Variants in BCOR observed in about 807,000 individuals in gnomAD.
BCOR encodes the protein BCL6 corepressor.
BCOR carries 10 observed loss-of-function variants against 86.7 expected under a neutral mutation model. The ratio of observed to expected loss-of-function variants is 0.12; its 90% CI spans 0.07 to 0.20. The LOEUF is 0.20. Among genes scored for constraint, BCOR ranks in the 10% least tolerant of loss-of-function variants. BCOR has a pLI of 1.00. For missense variants in BCOR, 1,259 were observed against 1,452.1 expected, an observed-to-expected ratio of 0.87 and a Z score of 2.16; for synonymous variants, 611 against 609.0, an observed-to-expected ratio of 1.00 and a Z score of -0.05.
At chrX:40,094,012 A>G (rs1936731253) in intron 1 of BCOR, among the ~76,000 whole-genome samples, 1 of 111,251 alleles carries the variant, frequency 9.0e-6, no homozygotes, top group Admixed American at 9.5e-5. Context: ...CCGTGCACAC[A>G]TAAGAGAAAG....
At chrX:40,099,213 G>C (rs905696103), upstream of BCOR, among the ~76,000 whole-genome samples, 10 of 112,513 alleles carry the variant, frequency 8.9e-5, no homozygotes, top group Non-Finnish European at 3.8e-5. Flanking sequence ...CTGGGCGCGG[G>C]GGGAGGGCGG....
In BCOR at chrX:40,113,406, CA is replaced by C. The variant is rs60280150; in HGVS notation, c.-40-35438del. Among the ~76,000 whole-genome samples the C allele has an allele frequency of 8.2e-3, 658 of 79,774 alleles. 6 individuals are homozygous for C. Among genetic ancestry groups the C allele is most frequent in the African/African-American group, 0.014 (312 of 22,054 alleles). The allele number at this position is 79,774 out of a possible 115,157, so 69.3% of individuals were successfully genotyped here. On this transcript the variant is annotated intron_variant, in intron 1 of 14. Transcript: ENST00000342274. ...TGGGTGACAGAGGGAGACCATGTCT[CA>C]AAAAAAAAAAAAAAGTGTTGAATGT...
chrX:40,074,949 C>T lies in BCOR; in HGVS notation c.397G>A (p.Glu133Lys). 2 of 1,211,466 alleles carry T rather than the reference C, an allele frequency of 1.7e-6. No homozygotes were observed. The highest frequency in any genetic ancestry group is 2.2e-6 in the Non-Finnish European group (2 of 895,447). The change falls in exon 4 of 15, where the codon GAG (glutamate) becomes AAG (lysine). Residue 133 changes from glutamate (E) to lysine (K), a missense_variant. This residue lies in a region of BCOR where 174 missense variants were observed against 189.3 expected (regional missense o/e 0.92). Coordinates refer to ENST00000378444, the MANE Select transcript of BCOR (RefSeq NM_001123385.2). ...GGTTTTCCAGAGACGGCAGAAGCCT[C>T]CACTGTCTCGGGTGTATTCGGTTTG... ...QFKPNTPETV[E>K]ASAVSGKPPN...
At chrX:40,085,908 G>A (rs916328832) in intron 1 of BCOR, among the ~76,000 whole-genome samples, 3 of 111,725 alleles carry the variant, frequency 2.7e-5, no homozygotes, top group Admixed American at 1.9e-4. Context: ...CCACCCTGGC[G>A]CCTCTCTGCA....
At chrX:40,083,148 G>T (rs1251358300) in intron 1 of BCOR, among the ~76,000 whole-genome samples, 1 of 110,741 alleles carries the variant, frequency 9.0e-6, no homozygotes, top group East Asian at 2.9e-4. Flanking sequence ...GAGATGAGAA[G>T]AAAAAGCTCT....
intron 1 of BCOR, among the ~76,000 whole-genome samples, chrX:40,093,198 T>G: frequency 8.9e-6 from 1 of 112,484 alleles, no homozygotes. Context: ...ATGTATCTCT[T>G]GTTCCATTTG....
rs1935088398 is a variant in BCOR, at chrX:40,064,420, C to T, written c.3418G>A (p.Gly1140Ser). Residue 1140 changes from glycine to serine, a missense_variant, in exon 7 of 15, where the codon GGT (glycine) becomes AGT (serine). Physicochemically the swap from Gly to Ser is moderately conservative, Grantham distance 56. This residue lies in a region of BCOR where 305 missense variants were observed against 286.1 expected (regional missense o/e 1.07). Coordinates refer to ENST00000378444, the MANE Select transcript of BCOR (RefSeq NM_001123385.2). ...GTGGTCTCAGTGTGGCTGCTGTCAC[C>T]TGAGACTTTGCGTTTCCTGTCCACC... ...LRVDRKRKVSGDSSHTETTAE... is the reference protein window; with the variant it reads ...LRVDRKRKVSSDSSHTETTAE... The T allele has an allele frequency of 8.2e-7, 1 of 1,212,381 alleles. No homozygotes were observed.
At chrX:40,172,195 G>A (rs2148033536) in intron 1 of BCOR, among the ~76,000 whole-genome samples, 1 of 112,822 alleles carries the variant, frequency 8.9e-6, no homozygotes, top group Admixed American at 9.3e-5. Flanking sequence ...ACTAGCGGTG[G>A]CCGGAGGCTC....
chrX:40,128,875 C>T (rs191575614), intron 1 of BCOR, among the ~76,000 whole-genome samples: 70 of 111,753 alleles, frequency 6.3e-4, no homozygotes, highest in African/African-American at 2.1e-3. Context: ...GTCAAATACT[C>T]TCTGGATACA....
Position 40,097,534 on chromosome X carries a change from GGGGGC to G in BCOR, c.-365_-361del, listed in dbSNP as rs1327945967. 5 of 109,336 alleles carry G rather than the reference GGGGGC, an allele frequency of 4.6e-5. No individual in the cohort carries two copies. The highest frequency in any genetic ancestry group is 9.9e-5 in the African/African-American group (3 of 30,251). 9.0% of individuals were successfully genotyped at this position (109,336 alleles called of 1,213,427 possible). A position where few individuals can be genotyped will look rare whatever the true frequency, so the allele number is the denominator to read the frequency against. On this transcript the variant is annotated 5_prime_UTR_variant, in exon 1 of 15. Transcript: ENST00000378444. ...CCGAGGGGTGGGCTCTGGGCCGGGT[GGGGGC>G]GGGGCGGGGCGGGCTCGGGGCCTCC...
chrX:40,063,054 C>A lies in BCOR; in HGVS notation c.3865G>T (p.Gly1289Cys). Residue 1289 changes from glycine (G) to cysteine (C), a missense_variant, in exon 9 of 15, where the codon GGC becomes TGC. By Grantham distance (159) the Gly-to-Cys change is radical (BLOSUM62 -3). Transcript: ENST00000378444. ...DNEQGLPVFS[G>C]SPPMKSLSST... ...GAAAGACTCTTCATGGGCGGAGAGCCGGAGAACACAGGCAAGCCTAAATAC... is the reference window on the plus strand; with the variant it reads ...GAAAGACTCTTCATGGGCGGAGAGCAGGAGAACACAGGCAAGCCTAAATAC... 1 of 1,038,326 alleles carries A rather than the reference C, an allele frequency of 9.6e-7. No individual in the cohort carries two copies. Among genetic ancestry groups the A allele is most frequent in the East Asian group, 6.3e-5 (1 of 15,852 alleles). The allele number at this position is 1,038,326 out of a possible 1,213,427, so 85.6% of individuals were successfully genotyped here. A position where few individuals can be genotyped will look rare whatever the true frequency, so the allele number is the denominator to read the frequency against.
At chrX:40,170,483 G>T (rs1400635418) in intron 1 of BCOR, among the ~76,000 whole-genome samples, 1 of 110,352 alleles carries the variant, frequency 9.1e-6, no homozygotes, top group Non-Finnish European at 1.9e-5. Flanking sequence ...CAGTAGCTGG[G>T]ATTACAGGCG....
Position 40,072,437 on chromosome X carries a change from G to T in BCOR, c.2909C>A (p.Ala970Glu). 2.5e-6 allele frequency: 3 copies of T among 1,210,608 alleles called. No homozygotes were observed. The highest frequency in any genetic ancestry group is 3.4e-6 in the Non-Finnish European group (3 of 894,743). ...SKLAKRIANS[A>E]GYVGDRFKCV... ...TTTGAATCGGTCACCCACGTAACCCGCTGAGTTGGCGATTCTCTTTGCCAG... is the reference window on the plus strand; with the variant it reads ...TTTGAATCGGTCACCCACGTAACCCTCTGAGTTGGCGATTCTCTTTGCCAG... The change falls in exon 4 of 15, where the codon GCG (alanine) becomes GAG (glutamate). Residue 970 changes from alanine (A) to glutamate (E), a missense_variant. By Grantham distance (107) the Ala-to-Glu change is moderately radical. Coordinates refer to ENST00000378444, the MANE Select transcript of BCOR (RefSeq NM_001123385.2).
Position 40,075,117 on chromosome X carries a change from G to T in BCOR, c.229C>A (p.Leu77Met). 5.0e-6 allele frequency: 6 copies of T among 1,210,454 alleles called. No homozygotes were observed. Among genetic ancestry groups the T allele is most frequent in the Non-Finnish European group, 6.7e-6 (6 of 895,077 alleles). The change falls in exon 4 of 15, where the codon CTG (leucine) becomes ATG (methionine). Residue 77 changes from leucine (L) to methionine (M), a missense_variant. Physicochemically the swap from Leu to Met is conservative, Grantham distance 15 (BLOSUM62 2). Around this residue, in one of 7 missense-constraint regions of BCOR, gnomAD observed 174 missense variants for 189.3 expected, o/e 0.92. Coordinates refer to ENST00000378444, the MANE Select transcript of BCOR (RefSeq NM_001123385.2). ...LAALSMDRTG[L>M]IREGLRVPGN... ...GGGACCCGCAGCCCTTCCCGGATCA[G>T]GCCAGTGCGGTCCATGCTCAGTGCT...
chrX:40,175,275 C>T (rs1488797307), intron 1 of BCOR, among the ~76,000 whole-genome samples: 1 of 113,448 alleles, frequency 8.8e-6, no homozygotes, highest in Admixed American at 9.2e-5. Flanking sequence ...CCCCGGCTGG[C>T]CCCGCGCGCG....
intron 1 of BCOR, among the ~76,000 whole-genome samples, chrX:40,168,989 A>G (rs1014922388): frequency 2.7e-5 from 3 of 112,064 alleles, no homozygotes; most frequent in Middle Eastern, 4.7e-3. Flanking sequence ...GGCTCTGGGA[A>G]CCCGAGTGGG....
At chrX:40,151,959 G>C (rs936021067) in intron 1 of BCOR, among the ~76,000 whole-genome samples, 1 of 112,136 alleles carries the variant, frequency 8.9e-6, no homozygotes, top group Non-Finnish European at 1.9e-5. Flanking sequence ...GCCAGGGGCC[G>C]GCCACAGGCC....
chrX:40,123,779 A>G (rs888709676), intron 1 of BCOR, among the ~76,000 whole-genome samples: 6 of 106,754 alleles, frequency 5.6e-5, no homozygotes, highest in African/African-American at 2.1e-4. Flanking sequence ...GGCTAGGGGA[A>G]GAGAAGGTTT....
chrX:40,145,502 A>G (rs12009220), intron 1 of BCOR, among the ~76,000 whole-genome samples: 3,738 of 110,821 alleles, frequency 0.034, 145 homozygotes, highest in African/African-American at 0.12. Context: ...ACTCACCAGA[A>G]AGGCAAAAGA....
Sources: gnomAD v4.1 joint callset for allele counts (sites outside exome capture counted in the v4.1 genomes callset) on GRCh38, gnomAD v4.1.1 for gene constraint, gnomAD v4.1.1 regional missense constraint, MANE v1.5 for transcripts, NCBI Gene and HGNC (gene_info 2026-07-23, HGNC 2026-07-21) for gene names.